Variants in LSAMP observed in about 807,000 individuals in gnomAD.
LSAMP encodes limbic system associated membrane protein.
LSAMP carries 7 observed loss-of-function variants against 38.6 expected under a neutral mutation model. The ratio of observed to expected loss-of-function variants is 0.18; its 90% confidence interval spans 0.10 to 0.34. The LOEUF is 0.34. LSAMP is among the 10% of genes least tolerant of loss of function. The pLI is 1.00. For synonymous variants in LSAMP, 154 were observed against 166.8 expected (o/e 0.92, Z 0.59); for missense variants, 313 against 420.0 (o/e 0.75, Z 2.23).
chr3:116,411,229 G>A (rs1211622928), intron 1 of LSAMP, among the ~76,000 whole-genome samples: 1 of 151,970 alleles, frequency 6.6e-6, no homozygotes, highest in Non-Finnish European at 1.5e-5. Context: ...GATGCCTCAG[G>A]GATCTAGAAC....
At chr3:116,403,842 C>T (rs192362434) in intron 1 of LSAMP, among the ~76,000 whole-genome samples, 1 of 151,888 alleles carries the variant, frequency 6.6e-6, no homozygotes, top group East Asian at 1.9e-4. Context: ...CCTCAAATTC[C>T]TGGGCTCAAG....
At chr3:116,322,426 AT>A (rs1429449340) in intron 1 of LSAMP, among the ~76,000 whole-genome samples, 1 of 152,162 alleles carries the variant, frequency 6.6e-6, no homozygotes, top group African/African-American at 2.4e-5. Context: ...TTAAAAATAG[AT>A]TTTTTGGTTC....
intron 1 of LSAMP, among the ~76,000 whole-genome samples, chr3:116,116,135 C>T (rs1708739652): frequency 6.7e-6 from 1 of 148,332 alleles, no homozygotes; most frequent in African/African-American, 2.5e-5. Flanking sequence ...CTTTTGGCTC[C>T]ATTTCGTGAG....
chr3:116,183,388 G>GT (rs1437558960), intron 1 of LSAMP, among the ~76,000 whole-genome samples: 1 of 151,840 alleles, frequency 6.6e-6, no homozygotes, highest in East Asian at 1.9e-4. Flanking sequence ...CCTTGAAAAG[G>GT]TTTTTAACTT....
chr3:116,005,644 C>A (rs2107666858), intron 3 of LSAMP, among the ~76,000 whole-genome samples: 1 of 152,328 alleles, frequency 6.6e-6, no homozygotes, highest in Middle Eastern at 3.4e-3. Flanking sequence ...TTAATCGTTC[C>A]TGGGGGAATT....
intron 1 of LSAMP, among the ~76,000 whole-genome samples, chr3:116,399,732 A>G (rs982387978): frequency 2.6e-5 from 4 of 152,218 alleles, no homozygotes; most frequent in African/African-American, 9.6e-5. Flanking sequence ...CTTTTGATCC[A>G]CAAGTTTATA....
At chr3:116,222,881 G>T (rs933299885) in intron 1 of LSAMP, among the ~76,000 whole-genome samples, 1 of 151,080 alleles carries the variant, frequency 6.6e-6, no homozygotes, top group African/African-American at 2.4e-5. Context: ...GACTACAGGC[G>T]CCCGCCACCA....
At chr3:116,115,822 CTT>C (rs1419877658) in intron 1 of LSAMP, among the ~76,000 whole-genome samples, 3 of 151,812 alleles carry the variant, frequency 2.0e-5, no homozygotes, top group Non-Finnish European at 4.4e-5. Context: ...TTGAGTATGA[CTT>C]TTTTTGTTGT....
chr3:115,964,655 C>T (rs1438258239), intron 3 of LSAMP, among the ~76,000 whole-genome samples: 1 of 151,998 alleles, frequency 6.6e-6, no homozygotes, highest in Non-Finnish European at 1.5e-5. Flanking sequence ...CAAAAAATTC[C>T]ATACATTTTT....
At chr3:116,080,740 A>G (rs984657665) in intron 2 of LSAMP, among the ~76,000 whole-genome samples, 33 of 152,248 alleles carry the variant, frequency 2.2e-4, no homozygotes, top group African/African-American at 8.0e-4. Flanking sequence ...TAGAAAAATT[A>G]GTAGACTTCA....
intron 1 of LSAMP, among the ~76,000 whole-genome samples, chr3:116,280,909 A>G (rs542714274): frequency 6.6e-6 from 1 of 152,352 alleles, no homozygotes; most frequent in South Asian, 2.1e-4. Context: ...GAGTAAAAGA[A>G]ATGATTCTAT....
chr3:116,210,872 A>G (rs1238980142), intron 1 of LSAMP, among the ~76,000 whole-genome samples: 1 of 152,202 alleles, frequency 6.6e-6, no homozygotes, highest in Non-Finnish European at 1.5e-5. Flanking sequence ...TCGAAGAGAT[A>G]TCCAGCTTTT....
chr3:116,042,878 A>G (rs940934429), intron 2 of LSAMP, among the ~76,000 whole-genome samples: 4 of 152,202 alleles, frequency 2.6e-5, no homozygotes, highest in African/African-American at 7.2e-5. Flanking sequence ...AGAGTTGTAT[A>G]AACAACTGTG....
At chr3:115,850,616 A>C (rs1009170363) in intron 4 of LSAMP, among the ~76,000 whole-genome samples, 1 of 152,250 alleles carries the variant, frequency 6.6e-6, no homozygotes, top group Non-Finnish European at 1.5e-5. Flanking sequence ...TGGCATTTCA[A>C]AACTCTATTA....
At chr3:116,167,013 G>A (rs180690561) in intron 1 of LSAMP, among the ~76,000 whole-genome samples, 12 of 152,008 alleles carry the variant, frequency 7.9e-5, no homozygotes, top group Non-Finnish European at 1.2e-4. Flanking sequence ...GGATGGTCTT[G>A]ATCTCCTGAC....
At chr3:115,850,282 A>G (rs1296956382) in intron 4 of LSAMP, among the ~76,000 whole-genome samples, 1 of 152,242 alleles carries the variant, frequency 6.6e-6, no homozygotes, top group Non-Finnish European at 1.5e-5. Flanking sequence ...CTTGGGAACC[A>G]TCTGCAATCC....
chr3:115,824,373 A>G (rs1934340793), intron 6 of LSAMP, among the ~76,000 whole-genome samples: 1 of 152,162 alleles, frequency 6.6e-6, no homozygotes, highest in Non-Finnish European at 1.5e-5. Flanking sequence ...GTTGTAATTA[A>G]GAGACCAGCC....
intron 3 of LSAMP, among the ~76,000 whole-genome samples, chr3:115,996,211 A>G (rs1939810333): frequency 6.6e-6 from 1 of 152,152 alleles, no homozygotes; most frequent in South Asian, 2.1e-4. Context: ...AATCAAATTT[A>G]CTAAGAATAA....
intron 1 of LSAMP, among the ~76,000 whole-genome samples, chr3:116,187,354 A>T (rs1710643839): frequency 6.6e-6 from 1 of 152,170 alleles, no homozygotes; most frequent in African/African-American, 2.4e-5. Flanking sequence ...GATGATGAAA[A>T]ATGAAGATGG....
Sources: allele counts gnomAD v4.1 joint callset (sites outside exome capture counted in the v4.1 genomes callset), GRCh38; gene constraint gnomAD v4.1.1; transcripts MANE v1.5; gene names NCBI Gene and HGNC (gene_info 2026-07-23, HGNC 2026-07-21).